DNAJC6: variants seen among roughly 807,000 people sequenced by gnomAD.
DNAJC6 encodes auxilin.
Under a neutral mutation model 110.0 loss-of-function variants are expected in DNAJC6, and 34 were observed. The observed-to-expected ratio is 0.31, with a 90% CI of 0.24 to 0.41. The LOEUF is 0.41. Ranked by LOEUF, DNAJC6 falls within the 10% of genes least tolerant of loss-of-function variation. The pLI is 1.00. For synonymous variants in DNAJC6, 406 were observed against 437.2 expected, an observed-to-expected ratio of 0.93 and a Z score of 0.89; for missense variants, 1,031 against 1,207.8, an observed-to-expected ratio of 0.85 and a Z score of 2.17.
chr1:65,380,890 G>GTTTTTTTTGTTTTGTTTTTTTTTT lies in DNAJC6; in HGVS notation c.666+1374_666+1375insGTTTTGTTTTTTTTTTTTTTTTTT, dbSNP rs1557551919. Among the ~76,000 whole-genome samples, 10 of 118,754 alleles carry GTTTTTTTTGTTTTGTTTTTTTTTT rather than the reference G, an allele frequency of 8.4e-5. 1 individual carries two copies. The highest frequency in any genetic ancestry group is 4.0e-4 in the African/African-American group (10 of 25,134). 77.9% of individuals were successfully genotyped at this position (118,754 alleles called of 152,430 possible). ...AATGGAATTGAAGCTGGGGGAGGGA[G>GTTTTTTTTGTTTTGTTTTTTTTTT]TTTTTTTTTTTTTGTTTTTTGTTTT... On this transcript the variant is annotated intron_variant, in intron 5 of 18. Transcript: ENST00000371069.
In DNAJC6 at chr1:65,398,860, T is replaced by C. The variant is rs1462099424; in HGVS notation, c.2086T>C (p.Trp696Arg). The change falls in exon 14 of 19, where the codon TGG becomes CGG. Residue 696 changes from tryptophan to arginine, a missense_variant. Coordinates refer to ENST00000371069, the MANE Select transcript of DNAJC6 (RefSeq NM_001256864.2). ...CATTCAGCCAGATGTTTCTGGAGGT[T>C]GGGACTGGCATGCTAAACCAGGTAA... is the stretch of plus-strand genomic sequence containing the variant. ...VNIQPDVSGG[W>R]DWHAKPGGFG... 5 of 1,613,988 alleles carry C rather than the reference T, an allele frequency of 3.1e-6. No individual in the cohort carries two copies. Among genetic ancestry groups the C allele is most frequent in the Non-Finnish European group, 2.5e-6 (3 of 1,179,990 alleles).
At chr1:65,405,819 T>G (rs762605632) in intron 15 of DNAJC6, 51 bp from the exon 16 acceptor site, 1 of 1,541,326 alleles carries the variant, frequency 6.5e-7, no homozygotes, top group Admixed American at 2.0e-5. Flanking sequence ...GACACAAGAG[T>G]TAGAGGCCAC....
chr1:65,389,687 G>A (rs1395855195), intron 11 of DNAJC6, 60 bp downstream of exon 11: 18 of 1,578,538 alleles, frequency 1.1e-5, no homozygotes, highest in Non-Finnish European at 1.5e-5. Context: ...CTTCTGTAAA[G>A]ATGTTGGCCC....
At chr1:65,354,246 T>C (rs1645521112) in intron 1 of DNAJC6, among the ~76,000 whole-genome samples, 1 of 152,086 alleles carries the variant, frequency 6.6e-6, no homozygotes, top group Non-Finnish European at 1.5e-5. Context: ...AAAAAGTACC[T>C]CTTGAAAGAG....
At chr1:65,266,033 G>A (rs1405306715) in intron 1 of DNAJC6, among the ~76,000 whole-genome samples, 1 of 152,252 alleles carries the variant, frequency 6.6e-6, no homozygotes, top group Non-Finnish European at 1.5e-5. Flanking sequence ...CGGGGGCTTG[G>A]GTGCGCAGGT....
At chr1:65,331,196 A>G (rs1223968296) in intron 1 of DNAJC6, among the ~76,000 whole-genome samples, 2 of 152,194 alleles carry the variant, frequency 1.3e-5, no homozygotes, top group Non-Finnish European at 2.9e-5. Context: ...CTCCAGGGAA[A>G]CAAGTCCTGG....
intron 4 of DNAJC6, among the ~76,000 whole-genome samples, chr1:65,370,392 T>G (rs1458839324): frequency 6.6e-6 from 1 of 152,228 alleles, no homozygotes; most frequent in East Asian, 1.9e-4. Context: ...TAAACACTGT[T>G]CCCATCCACT....
chr1:65,397,256 C>A (rs1260800297), intron 13 of DNAJC6, among the ~76,000 whole-genome samples: 1 of 142,378 alleles, frequency 7.0e-6, no homozygotes, highest in African/African-American at 2.9e-5. Flanking sequence ...ACTCAGATGT[C>A]TGCTTTGGGA....
At chr1:65,326,586 G>A (rs933170708) in intron 1 of DNAJC6, among the ~76,000 whole-genome samples, 1 of 152,150 alleles carries the variant, frequency 6.6e-6, no homozygotes, top group Non-Finnish European at 1.5e-5. Context: ...AGTAATTCCT[G>A]GGGCCCAGGG....
chr1:65,358,542 T>G (rs1331910009), intron 1 of DNAJC6, among the ~76,000 whole-genome samples: 1 of 152,222 alleles, frequency 6.6e-6, no homozygotes, highest in Non-Finnish European at 1.5e-5. Flanking sequence ...TGGTAGGCAT[T>G]CAGTAGGTTT....
At chr1:65,302,081 TTATATA>T (rs1166262812) in intron 1 of DNAJC6, among the ~76,000 whole-genome samples, 1 of 57,468 alleles carries the variant, frequency 1.7e-5, no homozygotes, top group South Asian at 6.0e-4. Flanking sequence ...ATAATACGTA[TTATATA>T]TATTATATAT....
chr1:65,381,842 G>T (rs915641461), intron 5 of DNAJC6, among the ~76,000 whole-genome samples: 2 of 152,124 alleles, frequency 1.3e-5, no homozygotes, highest in African/African-American at 2.4e-5. Flanking sequence ...GTCAAACTAG[G>T]AAGAACGTAA....
intron 1 of DNAJC6, among the ~76,000 whole-genome samples, chr1:65,333,168 A>G (rs137971248): frequency 6.6e-6 from 1 of 152,288 alleles, no homozygotes; most frequent in African/African-American, 2.4e-5. Flanking sequence ...AAGCAAACAA[A>G]AACAACACTA....
chr1:65,323,637 C>A (rs1312384603), intron 1 of DNAJC6, among the ~76,000 whole-genome samples: 2 of 152,166 alleles, frequency 1.3e-5, no homozygotes, highest in East Asian at 3.8e-4. Flanking sequence ...ACCCTGTCAC[C>A]CAGGCTGGAG....
intron 1 of DNAJC6, among the ~76,000 whole-genome samples, chr1:65,291,977 CCTTT>C (rs1209054988): frequency 1.3e-5 from 2 of 152,028 alleles, no homozygotes; most frequent in Admixed American, 1.3e-4. Context: ...CTTCGTTCTT[CCTTT>C]CTTTCTGACT....
intron 11 of DNAJC6, among the ~76,000 whole-genome samples, chr1:65,392,145 C>T (rs1000343786): frequency 6.6e-6 from 1 of 152,132 alleles, no homozygotes; most frequent in African/African-American, 2.4e-5. Flanking sequence ...AAGTAACTTG[C>T]CCAGTGTCAT....
intron 1 of DNAJC6, among the ~76,000 whole-genome samples, chr1:65,346,063 C>T (rs747117895): frequency 1.3e-5 from 2 of 152,074 alleles, no homozygotes; most frequent in African/African-American, 2.4e-5. Context: ...TGGGTTTTCT[C>T]CTAGGATTCA....
At chr1:65,301,804 A>G (rs1454362519) in intron 1 of DNAJC6, among the ~76,000 whole-genome samples, 1 of 152,006 alleles carries the variant, frequency 6.6e-6, no homozygotes. Flanking sequence ...TTCATGGACA[A>G]AAAGTATATG....
intron 4 of DNAJC6, among the ~76,000 whole-genome samples, chr1:65,375,468 C>G (rs1471286091): frequency 6.6e-6 from 1 of 151,204 alleles, no homozygotes; most frequent in Non-Finnish European, 1.5e-5. Context: ...CTCTGTCACC[C>G]AGGCTGGAGT....
Sources: allele counts gnomAD v4.1 joint callset (sites outside exome capture counted in the v4.1 genomes callset), GRCh38; gene constraint gnomAD v4.1.1; transcripts MANE v1.5; gene names NCBI Gene and HGNC (gene_info 2026-07-23, HGNC 2026-07-21).